PRKCZ: variants seen among roughly 807,000 people sequenced by gnomAD.
PRKCZ encodes protein kinase C zeta, also known as protein kinase C zeta type.
Under a neutral mutation model 79.5 loss-of-function variants are expected in PRKCZ, and 33 were observed. That is an observed-to-expected ratio of 0.41 (90% CI 0.31 to 0.55). PRKCZ has a LOEUF of 0.55. Ranked by LOEUF, PRKCZ falls within the 20% of genes least tolerant of loss-of-function variation. The probability of loss-of-function intolerance (pLI) is 0.19; values close to 1 mark genes in which losing one functional copy is unlikely to be tolerated. For synonymous variants in PRKCZ, 342 were observed against 320.9 expected (o/e 1.07, Z -0.70); for missense variants, 578 against 813.5 (o/e 0.71, Z 3.52).
intron 5 of PRKCZ, among the ~76,000 whole-genome samples, chr1:2,136,822 C>T (rs1425652484): frequency 6.6e-6 from 1 of 152,106 alleles, no homozygotes; most frequent in East Asian, 1.9e-4. Context: ...GAACACAGCA[C>T]CACTAACTGG....
At chr1:2,108,485 G>A (rs1009327964) in intron 4 of PRKCZ, among the ~76,000 whole-genome samples, 1 of 152,246 alleles carries the variant, frequency 6.6e-6, no homozygotes, top group Non-Finnish European at 1.5e-5. Flanking sequence ...GTCCTCTCAT[G>A]AGTGGGTGCC....
At chr1:2,060,171 C>A (rs1036009037) in intron 4 of PRKCZ, among the ~76,000 whole-genome samples, 2 of 152,144 alleles carry the variant, frequency 1.3e-5, no homozygotes, top group African/African-American at 4.8e-5. Flanking sequence ...CCCCCACTCT[C>A]CAGACCCCAC....
chr1:2,103,100 A>G (rs890127280), intron 4 of PRKCZ, among the ~76,000 whole-genome samples: 1 of 152,110 alleles, frequency 6.6e-6, no homozygotes, highest in African/African-American at 2.4e-5. Context: ...GAATGCCCCA[A>G]GTGATTCTCC....
At chr1:2,096,470 A>AGG (rs1195545804) in intron 4 of PRKCZ, among the ~76,000 whole-genome samples, 1 of 151,882 alleles carries the variant, frequency 6.6e-6, no homozygotes, top group Non-Finnish European at 1.5e-5. Flanking sequence ...ACGCGGTTGT[A>AGG]CGGACTTCGT....
In PRKCZ at chr1:2,113,308, C is replaced by T. The variant is rs1670116633; in HGVS notation, c.335-21954C>T. 7.2e-5 allele frequency among the ~76,000 whole-genome samples: 11 copies of T among 152,242 alleles called. No homozygotes were observed. In the South Asian group the frequency reaches 2.3e-3, roughly 32 times the overall value. On this transcript the variant is annotated intron_variant, in intron 4 of 17. Coordinates refer to ENST00000378567, the MANE Select transcript of PRKCZ (RefSeq NM_002744.6). ...CGCCTTCAGCAGTGATTTGTGGTGA[C>T]TGTGACGTTCTCTTCGGTGGGCTGC...
In PRKCZ at chr1:2,171,235, C is replaced by T. The variant is rs868230396; in HGVS notation, c.1062-820C>T. On this transcript the variant is annotated intron_variant, in intron 11 of 17. Coordinates refer to ENST00000378567, the MANE Select transcript of PRKCZ (RefSeq NM_002744.6). ...GCGGGCGCCTGTAGTCCTAGCTACT[C>T]GGGAGGCTGAGGCAGGAGAATGGCG... 2.9e-4 allele frequency among the ~76,000 whole-genome samples: 43 copies of T among 147,148 alleles called. No homozygotes were observed. The Middle Eastern group carries it at 0.023, about 79-fold the overall frequency.
intron 4 of PRKCZ, among the ~76,000 whole-genome samples, chr1:2,105,721 T>C (rs906637137): frequency 6.6e-6 from 1 of 152,124 alleles, no homozygotes; most frequent in Non-Finnish European, 1.5e-5. Flanking sequence ...CAAATAAATG[T>C]CTAAGCAAAA....
At chr1:2,057,367 G>A (rs1415473399) in intron 3 of PRKCZ, among the ~76,000 whole-genome samples, 1 of 152,232 alleles carries the variant, frequency 6.6e-6, no homozygotes, top group African/African-American at 2.4e-5. Flanking sequence ...GCTGTGGCCA[G>A]CCGGTCACGT....
chr1:2,073,937 G>A (rs542405846), intron 4 of PRKCZ: 5 of 1,344,318 alleles, frequency 3.7e-6, no homozygotes, highest in East Asian at 3.1e-5. Context: ...CCGGTGAGTC[G>A]GGGGCATCTC....
intron 9 of PRKCZ, among the ~76,000 whole-genome samples, chr1:2,152,527 G>C (rs1680100521): frequency 6.6e-6 from 1 of 152,198 alleles, no homozygotes. Context: ...ATGAGACTCT[G>C]TCTTTAAAAA....
rs1465088032 is a variant in PRKCZ at position 2,185,348 on chromosome 1, A to G, written c.*339A>G. Reference sequence around the variant, plus strand: ...ATGCACTGACCTGCTCCGCCAGGAAAGTGAGCGTGTAGCGTCCTGAGGAAT... The same window carrying G: ...ATGCACTGACCTGCTCCGCCAGGAAGGTGAGCGTGTAGCGTCCTGAGGAAT... On this transcript the variant is annotated 3_prime_UTR_variant, in exon 18 of 18. Coordinates refer to ENST00000378567, the MANE Select transcript of PRKCZ (RefSeq NM_002744.6). 7.0e-6 allele frequency: 5 copies of G among 718,836 alleles called. 1 individual carries two copies. The South Asian group carries it at 7.4e-5, about 11-fold the overall frequency. 44.5% of individuals were successfully genotyped at this position (718,836 alleles called of 1,614,324 possible). A position where few individuals can be genotyped will look rare whatever the true frequency, so the allele number is the denominator to read the frequency against.
chr1:2,174,594 C>T lies in PRKCZ; in HGVS notation c.1406-160C>T, dbSNP rs571167529. On this transcript the variant is annotated intron_variant, in intron 14 of 17. Coordinates refer to ENST00000378567, the MANE Select transcript of PRKCZ (RefSeq NM_002744.6). This position sits in a 1 kb window ranked among gnomAD's most constrained non-coding sequence, Gnocchi z 6.2. ...ACCAGGAGGCCCAGGGAGGACCCGG[C>T]GGGACTCCGGGTTATAGATATTGCT... Among the ~76,000 whole-genome samples the T allele has an allele frequency of 5.3e-5, 8 of 152,338 alleles. No individual in the cohort carries two copies. The highest frequency in any genetic ancestry group is 1.4e-4 in the African/African-American group (6 of 41,594).
intron 4 of PRKCZ, among the ~76,000 whole-genome samples, chr1:2,108,837 G>A (rs566044590): frequency 3.1e-4 from 47 of 152,304 alleles, no homozygotes; most frequent in Middle Eastern, 6.8e-3. Context: ...TTAGCTCAGC[G>A]GTCTGGAGGG....
chr1:2,172,201 T>C lies in PRKCZ; in HGVS notation c.1197+11T>C, dbSNP rs936811732. On this transcript the variant is annotated intron_variant, in intron 12 of 17. Transcript: ENST00000378567. This position sits in a 1 kb window ranked among gnomAD's most constrained non-coding sequence, Gnocchi z 7.8. ...TACGGCATGTGCAAGGTGCGTGCCT[T>C]GGACCGCCTCCCCTGACCATCCCGC... The C allele has an allele frequency of 1.9e-6, 3 of 1,613,122 alleles. No homozygotes were observed. Among genetic ancestry groups the C allele is most frequent in the African/African-American group, 2.7e-5 (2 of 74,900 alleles).
At position 2,175,326 on chromosome 1, in the gene PRKCZ, A is replaced by C; in HGVS notation, c.1575+13A>C. 2 of 1,607,406 alleles carry C rather than the reference A, an allele frequency of 1.2e-6. No homozygotes were observed. The highest frequency in any genetic ancestry group is 1.7e-6 in the Non-Finnish European group (2 of 1,174,964). On this transcript the variant is annotated intron_variant, in intron 16 of 17. Transcript: ENST00000378567. ...AGACTGGGACTTGGTAAAGCATCAC[A>C]AAGCCTATTTGCACCCCCATCCCCA...
At chr1:2,095,739 G>A (rs1179601662) in intron 4 of PRKCZ, among the ~76,000 whole-genome samples, 1 of 59,534 alleles carries the variant, frequency 1.7e-5, no homozygotes, top group Admixed American at 2.2e-4. Flanking sequence ...CCACCTTTCC[G>A]CTCCCCTCCT....
At position 2,146,010 on chromosome 1, in the gene PRKCZ, C is replaced by T. The variant is rs777553331; in HGVS notation, c.553-17C>T. On this transcript the variant is annotated splice_polypyrimidine_tract_variant and intron_variant, in intron 6 of 17. Transcript: ENST00000378567. ...CTAGCACTTGGTCATGCTGCCATCT[C>T]TGTGTCTCTCCGGCAGGATTCTGTC... The T allele has an allele frequency of 6.2e-7, 1 of 1,601,236 alleles. No homozygotes were observed. The highest frequency in any genetic ancestry group is 1.7e-5 in the Admixed American group (1 of 60,012).
chr1:2,144,639 C>G, intron 6 of PRKCZ: 1 of 1,205,072 alleles, frequency 8.3e-7, no homozygotes, highest in Non-Finnish European at 1.0e-6. Context: ...ATTCATACCC[C>G]AGTCTTGAAC....
rs1314034204 is a variant in PRKCZ, at chr1:2,150,792, C to T, written c.690C>T (p.Asp230=). ...GGGGTCTTGTTCTCCCTCCCTAGGACCTTAAGCCAGTTATCGATGGGATGG... is the reference window on the plus strand; with the variant it reads ...GGGGTCTTGTTCTCCCTCCCTAGGATCTTAAGCCAGTTATCGATGGGATGG... ...KHDSIKDDSE[D]LKPVIDGMDG... Residue 230 remains aspartate (D), a splice_region_variant and synonymous_variant, in exon 9 of 18, where the codon GAC becomes GAT. Coordinates refer to ENST00000378567, the MANE Select transcript of PRKCZ (RefSeq NM_002744.6). 1 of 1,613,728 alleles carries T rather than the reference C, an allele frequency of 6.2e-7. No individual in the cohort carries two copies. The highest frequency in any genetic ancestry group is 8.5e-7 in the Non-Finnish European group (1 of 1,179,752).
Sources: gnomAD v4.1 joint callset for allele counts (sites outside exome capture counted in the v4.1 genomes callset) on GRCh38, gnomAD v4.1.1 for gene constraint, Gnocchi (gnomAD v3.1) non-coding constraint, MANE v1.5 for transcripts, NCBI Gene and HGNC (gene_info 2026-07-23, HGNC 2026-07-21) for gene names.